Variants in KCTD16 observed in about 807,000 individuals in gnomAD.
KCTD16 encodes BTB/POZ domain-containing protein KCTD16.
KCTD16 carries 13 observed loss-of-function variants against 33.2 expected under a neutral mutation model. The ratio of observed to expected loss-of-function variants is 0.39; its 90% CI spans 0.25 to 0.62. KCTD16 has a LOEUF of 0.62. Among genes scored for constraint, KCTD16 ranks in the 20% least tolerant of loss-of-function variants. The pLI, the probability that KCTD16 is intolerant of heterozygous loss-of-function variation, is 0.50. For missense variants in KCTD16, 441 were observed against 525.1 expected (o/e 0.84, Z 1.57); for synonymous variants, 197 against 195.3 (o/e 1.01, Z -0.07).
chr5:144,468,381 ACT>A (rs1257712372), intron 3 of KCTD16, among the ~76,000 whole-genome samples: 1 of 152,000 alleles, frequency 6.6e-6, no homozygotes, highest in South Asian at 2.1e-4. Flanking sequence ...TTCCTGACTG[ACT>A]CTGATGGATG....
At chr5:144,276,762 GC>G (rs779975247) in intron 3 of KCTD16, among the ~76,000 whole-genome samples, 11 of 152,084 alleles carry the variant, frequency 7.2e-5, no homozygotes, top group Non-Finnish European at 1.5e-4. Context: ...AATTAGCCAT[GC>G]ATAGTGGCTT....
intron 3 of KCTD16, among the ~76,000 whole-genome samples, chr5:144,379,153 T>A (rs890562527): frequency 1.3e-5 from 2 of 152,186 alleles, no homozygotes; most frequent in South Asian, 2.1e-4. Context: ...CTTTTACGAC[T>A]ACCCATGTCT....
chr5:144,248,130 A>G (rs1210673928), intron 3 of KCTD16, among the ~76,000 whole-genome samples: 1 of 152,232 alleles, frequency 6.6e-6, no homozygotes, highest in Non-Finnish European at 1.5e-5. Context: ...AATAATCAAA[A>G]TATACAGTAC....
intron 3 of KCTD16, among the ~76,000 whole-genome samples, chr5:144,411,012 A>G (rs1362381594): frequency 4.6e-5 from 7 of 152,306 alleles, no homozygotes; most frequent in African/African-American, 2.4e-5. Context: ...CCCAAAATCT[A>G]TAAAGCACTG....
chr5:144,281,828 T>C (rs1475539295), intron 3 of KCTD16, among the ~76,000 whole-genome samples: 1 of 152,250 alleles, frequency 6.6e-6, no homozygotes, highest in Non-Finnish European at 1.5e-5. Flanking sequence ...TTCTTCTTTC[T>C]GTTAAAGTCC....
rs567710518 is a variant in KCTD16, at chr5:144,225,156, A to G, written c.832+17610A>G. Among the ~76,000 whole-genome samples, 7 of 152,250 alleles carry G rather than the reference A, an allele frequency of 4.6e-5. No individual in the cohort carries two copies. The East Asian group carries it at 1.4e-3, about 29-fold the overall frequency. On this transcript the variant is annotated intron_variant, in intron 3 of 3. Coordinates refer to ENST00000512467, the MANE Select transcript of KCTD16 (RefSeq NM_020768.4). ...GAGCTATTCAAGGGAGCCGCCTCAC[A>G]AGATAAAATGAGAAGCCCACATAAA...
intron 3 of KCTD16, among the ~76,000 whole-genome samples, chr5:144,364,950 C>T (rs142512471): frequency 5.9e-4 from 89 of 151,814 alleles, no homozygotes; most frequent in African/African-American, 2.1e-3. Flanking sequence ...CTACTTATGG[C>T]TGTTTTAGTA....
intron 3 of KCTD16, among the ~76,000 whole-genome samples, chr5:144,351,483 G>T (rs1035654753): frequency 1.3e-5 from 2 of 152,108 alleles, no homozygotes; most frequent in Non-Finnish European, 1.5e-5. Flanking sequence ...TTATGGAAAA[G>T]AATATGGAGG....
intron 3 of KCTD16, among the ~76,000 whole-genome samples, chr5:144,299,314 A>G (rs1387225121): frequency 6.6e-6 from 1 of 151,126 alleles, no homozygotes; most frequent in Non-Finnish European, 1.5e-5. Context: ...TGTACATAAT[A>G]ATGATCCATC....
chr5:144,238,813 T>C (rs551529287), intron 3 of KCTD16, among the ~76,000 whole-genome samples: 4 of 152,310 alleles, frequency 2.6e-5, no homozygotes, highest in Non-Finnish European at 5.9e-5. Context: ...CTATGCCCAT[T>C]CATCTATTCA....
intron 3 of KCTD16, among the ~76,000 whole-genome samples, chr5:144,241,287 G>T (rs1454552070): frequency 6.6e-6 from 1 of 152,128 alleles, no homozygotes; most frequent in African/African-American, 2.4e-5. Flanking sequence ...TTTTTCAGAA[G>T]CATTGAAAAA....
chr5:144,362,380 T>G (rs1385234762), intron 3 of KCTD16, among the ~76,000 whole-genome samples: 1 of 152,192 alleles, frequency 6.6e-6, no homozygotes, highest in Non-Finnish European at 1.5e-5. Flanking sequence ...TCTGGAAATG[T>G]GATAGATCCT....
At chr5:144,359,144 C>T (rs1751645460) in intron 3 of KCTD16, among the ~76,000 whole-genome samples, 1 of 152,146 alleles carries the variant, frequency 6.6e-6, no homozygotes, top group African/African-American at 2.4e-5. Context: ...CTTACTGCAT[C>T]GGAAATTACA....
chr5:144,438,312 T>A (rs1753624977), intron 3 of KCTD16, among the ~76,000 whole-genome samples: 1 of 152,184 alleles, frequency 6.6e-6, no homozygotes, highest in South Asian at 2.1e-4. Flanking sequence ...AAAGGAAAAA[T>A]TGGAATATAA....
At chr5:144,184,114 C>G (rs1215344535) in intron 2 of KCTD16, among the ~76,000 whole-genome samples, 4 of 152,012 alleles carry the variant, frequency 2.6e-5, no homozygotes, top group African/African-American at 9.7e-5. Context: ...GGTAAAATAC[C>G]ATGTAACATA....
rs1754782590 is a variant in KCTD16, at chr5:144,485,311, C to G, written c.*11197C>G. The G allele has an allele frequency of 6.6e-6, 1 of 151,592 alleles. No individual in the cohort carries two copies. The highest frequency in any genetic ancestry group is 2.4e-5 in the African/African-American group (1 of 41,258). The allele number at this position is 151,592 out of a possible 1,614,324, so 9.4% of individuals were successfully genotyped here. On this transcript the variant is annotated 3_prime_UTR_variant, in exon 4 of 4. Transcript: ENST00000512467. ...TGAGCAACATATAAATATATACATA[C>G]ATATCTATGTATGCAATATCTACAC...
intron 3 of KCTD16, among the ~76,000 whole-genome samples, chr5:144,345,954 A>ATTTT (rs35514283): frequency 0.21 from 29,479 of 140,474 alleles, 3,385 homozygotes; most frequent in Non-Finnish European, 0.27. Flanking sequence ...TATTCATTCT[A>ATTTT]TTTTTTTTTT....
intron 3 of KCTD16, among the ~76,000 whole-genome samples, chr5:144,247,263 T>C (rs1754576074): frequency 6.6e-6 from 1 of 152,186 alleles, no homozygotes; most frequent in African/African-American, 2.4e-5. Flanking sequence ...ATGAAAGACA[T>C]TGAAGCTTCT....
intron 2 of KCTD16, among the ~76,000 whole-genome samples, chr5:144,185,254 C>G (rs1752702104): frequency 6.6e-6 from 1 of 152,182 alleles, no homozygotes. Context: ...GACACCTACT[C>G]AGTCTTTTAA....
Sources: gnomAD v4.1 joint callset for allele counts (sites outside exome capture counted in the v4.1 genomes callset) on GRCh38, gnomAD v4.1.1 for gene constraint, MANE v1.5 for transcripts, NCBI Gene and HGNC (gene_info 2026-07-23, HGNC 2026-07-21) for gene names.